Variants in ZNF585A observed in about 807,000 individuals in gnomAD.
ZNF585A encodes zinc finger protein 585A.
Under a neutral mutation model 14.9 loss-of-function variants are expected in ZNF585A, and 9 were observed. The observed-to-expected ratio is 0.60, with a 90% CI of 0.36 to 1.05. The LOEUF (loss-of-function observed/expected upper bound fraction) is 1.05. ZNF585A is among the 50% of genes least tolerant of loss of function. ZNF585A has a pLI of 0.01. For synonymous variants in ZNF585A, 276 were observed against 319.9 expected (o/e 0.86, Z 1.46); for missense variants, 726 against 926.4 (o/e 0.78, Z 2.81).
intron 2 of ZNF585A, among the ~76,000 whole-genome samples, chr19:37,161,817 T>C (rs553880157): frequency 7.2e-5 from 11 of 152,328 alleles, no homozygotes; most frequent in Non-Finnish European, 1.0e-4. Context: ...AAAAAAGTCA[T>C]GTATGAGCAG....
At chr19:37,159,268 A>AG (rs1971978205) in intron 2 of ZNF585A, among the ~76,000 whole-genome samples, 1 of 150,912 alleles carries the variant, frequency 6.6e-6, no homozygotes, top group Admixed American at 6.6e-5. Context: ...AAAAAAAAAA[A>AG]GGCAGAATGT....
At chr19:37,162,943 A>G (rs940990050) in intron 2 of ZNF585A, among the ~76,000 whole-genome samples, 3 of 152,152 alleles carry the variant, frequency 2.0e-5, no homozygotes, top group African/African-American at 7.2e-5. Context: ...GTTAACCTAT[A>G]TAACAAACCT....
rs186400306 is a variant in ZNF585A, at chr19:37,166,077, G to T, written c.72+3762C>A. The stretch of plus-strand genomic sequence containing the variant: ...CGCCCAGGCTGGAATGCAGTGGTAT[G>T]ATCTTGGCTCACTGCAACCTCCGCC... On this transcript the variant is annotated intron_variant, in intron 2 of 4. Coordinates refer to ENST00000292841, the MANE Select transcript of ZNF585A (RefSeq NM_001288800.2). 2.1e-3 allele frequency among the ~76,000 whole-genome samples: 323 copies of T among 151,868 alleles called. 3 individuals carry two copies. The highest frequency in any genetic ancestry group is 7.4e-3 in the African/African-American group (306 of 41,404).
rs1971835965 is a variant in ZNF585A at position 37,151,911 on chromosome 19, A to C, written c.1988T>G (p.Ile663Ser). ...AAAGGTCTTCCCACATTCAGAACAA[A>C]TGTAGGGCTTTTCTCCGGTATGAGT... The part of the protein sequence containing the change: ...QKTHTGEKPY[I>S]CSECGKTFRQ... Residue 663 changes from isoleucine (I) to serine (S), a missense_variant, in exon 5 of 5, where the codon ATT (isoleucine) becomes AGT (serine). Around this residue, in one of 2 missense-constraint regions of ZNF585A, gnomAD observed 243 missense variants for 383.6 expected, o/e 0.63. Transcript: ENST00000292841. 1 of 1,612,784 alleles carries C rather than the reference A, an allele frequency of 6.2e-7. No homozygotes were observed. The highest frequency in any genetic ancestry group is 8.5e-7 in the Non-Finnish European group (1 of 1,179,678).
At position 37,153,582 on chromosome 19, in the gene ZNF585A, T is replaced by A. The variant is rs781046715; in HGVS notation, c.317A>T (p.Gln106Leu). 1 of 1,612,872 alleles carries A rather than the reference T, an allele frequency of 6.2e-7. No homozygotes were observed. The highest frequency in any genetic ancestry group is 8.5e-7 in the Non-Finnish European group (1 of 1,179,692). Residue 106 changes from glutamine to leucine, a missense_variant, in exon 5 of 5, where the codon CAA (glutamine) becomes CTA (leucine). Around this residue, in one of 2 missense-constraint regions of ZNF585A, gnomAD observed 483 missense variants for 542.8 expected, o/e 0.89. Coordinates refer to ENST00000292841, the MANE Select transcript of ZNF585A (RefSeq NM_001288800.2). ...CPGEKLWDHNQCRKILSYKQV... is the reference protein window; with the variant it reads ...CPGEKLWDHNLCRKILSYKQV... ...TTTATAACTGAGGATTTTTCTACAT[T>A]GATTATGGTCCCATAATTTCTCTCC...
intron 4 of ZNF585A, among the ~76,000 whole-genome samples, chr19:37,154,744 A>AAAAC (rs1437483834): frequency 5.9e-5 from 9 of 151,756 alleles, no homozygotes; most frequent in Non-Finnish European, 1.3e-4. Flanking sequence ...TCCTCTGCAG[A>AAAAC]AAACAAAAAG....
rs1374026206 is a variant in ZNF585A at position 37,150,441 on chromosome 19, T to A, written c.*1148A>T. The A allele has an allele frequency of 6.6e-6, 1 of 152,078 alleles. No individual in the cohort carries two copies. Among genetic ancestry groups the A allele is most frequent in the Non-Finnish European group, 1.5e-5 (1 of 68,022 alleles). 9.4% of individuals were successfully genotyped at this position (152,078 alleles called of 1,614,324 possible). On this transcript the variant is annotated 3_prime_UTR_variant, in exon 5 of 5. Transcript: ENST00000292841. ...CTATTCTGAGGGTTGTAATAAGTGG[T>A]CATCACACAGAATGGAGAGTGGACC... is the stretch of plus-strand genomic sequence containing the variant.
intron 3 of ZNF585A, 118 bp downstream of exon 3, chr19:37,156,111 C>T: frequency 6.4e-7 from 1 of 1,554,830 alleles, no homozygotes; most frequent in Non-Finnish European, 8.7e-7. Context: ...AATAAAGAAT[C>T]CTAGACAAAT....
intron 2 of ZNF585A, among the ~76,000 whole-genome samples, chr19:37,157,024 G>C (rs1032751234): frequency 2.6e-5 from 4 of 152,118 alleles, no homozygotes; most frequent in Non-Finnish European, 1.5e-5. Context: ...TCATGAACTA[G>C]GGTGTAAAAC....
chr19:37,165,085 G>T (rs890206329), intron 2 of ZNF585A, among the ~76,000 whole-genome samples: 2 of 152,182 alleles, frequency 1.3e-5, no homozygotes, highest in African/African-American at 4.8e-5. Context: ...TTTTCAGCTG[G>T]GTGCGGTGGC....
At chr19:37,170,876 C>A (rs945392185) in intron 1 of ZNF585A, among the ~76,000 whole-genome samples, 1 of 152,176 alleles carries the variant, frequency 6.6e-6, no homozygotes, top group Non-Finnish European at 1.5e-5. Context: ...ACCTCCCAGG[C>A]ACACAAAAAT....
chr19:37,151,432 T>C lies in ZNF585A; in HGVS notation c.*157A>G, dbSNP rs907522208. The C allele has an allele frequency of 2.3e-5, 16 of 689,358 alleles. No homozygotes were observed. The highest frequency in any genetic ancestry group is 6.4e-5 in the South Asian group (3 of 46,530). 42.7% of individuals were successfully genotyped at this position (689,358 alleles called of 1,614,324 possible). ...AATGTAGGAAGGGTCCCTCGCCTCA[T>C]TCAGTGCCTTCTCAGAGGCCCTCTC... On this transcript the variant is annotated 3_prime_UTR_variant, in exon 5 of 5. Coordinates refer to ENST00000292841, the MANE Select transcript of ZNF585A (RefSeq NM_001288800.2).
Position 37,152,820 on chromosome 19 carries a change from C to T in ZNF585A, c.1079G>A (p.Gly360Glu). 6.2e-7 allele frequency: 1 copy of T among 1,614,088 alleles called. No individual in the cohort carries two copies. ...CTCTGACCTGTAGGTAAAGGCCTTC[C>T]CACACTCAGTACATATGGAAGATTT... is the stretch of plus-strand genomic sequence containing the variant. ...REKSSICTEC[G>E]KAFTYRSELI... Residue 360 changes from glycine (G) to glutamate (E), a missense_variant, in exon 5 of 5, where the codon GGG (glycine) becomes GAG (glutamate). By Grantham distance (98) the Gly-to-Glu change is moderately conservative. Around this residue, in one of 2 missense-constraint regions of ZNF585A, gnomAD observed 483 missense variants for 542.8 expected, o/e 0.89. Coordinates refer to ENST00000292841, the MANE Select transcript of ZNF585A (RefSeq NM_001288800.2).
chr19:37,155,368 C>T (rs538100053), intron 4 of ZNF585A, among the ~76,000 whole-genome samples: 167 of 151,688 alleles, frequency 1.1e-3, no homozygotes, highest in Non-Finnish European at 2.0e-3. Context: ...TGACAAAGGT[C>T]GGCCAGGCGC....
chr19:37,155,162 G>A (rs1219836264), intron 4 of ZNF585A, among the ~76,000 whole-genome samples: 5 of 151,954 alleles, frequency 3.3e-5, no homozygotes, highest in East Asian at 2.0e-4. Flanking sequence ...CACGGCGCCC[G>A]GCTAATTTTT....
chr19:37,163,486 A>G (rs1448401397), intron 2 of ZNF585A, among the ~76,000 whole-genome samples: 3 of 151,704 alleles, frequency 2.0e-5, no homozygotes, highest in Non-Finnish European at 1.5e-5. Context: ...GTCTCCCTGA[A>G]AAAAATGAGA....
intron 4 of ZNF585A, among the ~76,000 whole-genome samples, chr19:37,154,143 C>T (rs1357528464): frequency 1.3e-5 from 2 of 151,912 alleles, no homozygotes; most frequent in African/African-American, 2.4e-5. Context: ...GGGTGAGTAA[C>T]GTGAAGAGGA....
intron 4 of ZNF585A, 144 bp downstream of exon 4, chr19:37,155,721 C>G (rs1971917003): frequency 1.2e-6 from 1 of 845,296 alleles, no homozygotes; most frequent in Admixed American, 2.3e-5. Flanking sequence ...TCTGAGAGGC[C>G]AAGGGGGCAT....
intron 4 of ZNF585A, among the ~76,000 whole-genome samples, chr19:37,155,365 G>C (rs112958751): frequency 0.089 from 13,486 of 151,764 alleles, 1,001 homozygotes; most frequent in African/African-American, 0.2. Flanking sequence ...AAGTGACAAA[G>C]GTCGGCCAGG....
Sources: gnomAD v4.1 joint callset for allele counts (sites outside exome capture counted in the v4.1 genomes callset) on GRCh38, gnomAD v4.1.1 for gene constraint, gnomAD v4.1.1 regional missense constraint, MANE v1.5 for transcripts, NCBI Gene and HGNC (gene_info 2026-07-23, HGNC 2026-07-21) for gene names.